The following NPSR1 variants were observed in gnomAD, a reference collection of about 807,000 sequenced individuals.
NPSR1 encodes the protein neuropeptide S receptor.
NPSR1 carries 48 observed loss-of-function variants against 46.9 expected under a neutral mutation model. The ratio of observed to expected loss-of-function variants is 1.02; its 90% CI spans 0.81 to 1.30. The LOEUF (loss-of-function observed/expected upper bound fraction) is 1.30. NPSR1 is among the 50% of genes most tolerant of loss of function. The probability of loss-of-function intolerance (pLI) is 0.00; values close to 1 mark genes in which losing one functional copy is unlikely to be tolerated. For missense variants in NPSR1, 450 were observed against 449.5 expected, an observed-to-expected ratio of 1.00 and a Z score of -0.01; for synonymous variants, 176 against 168.1, an observed-to-expected ratio of 1.05 and a Z score of -0.36.
Position 34,658,375 on chromosome 7 carries a change from C to T in NPSR1, c.-38C>T. ...CAAGCTGGACTCCCTCACTCAGCTG[C>T]AGGAGCAAGGACAGTGAGGCTCAAC... On this transcript the variant is annotated 5_prime_UTR_variant, in exon 1 of 9. Transcript: ENST00000360581. 3.7e-6 allele frequency: 6 copies of T among 1,609,226 alleles called. No homozygotes were observed. The highest frequency in any genetic ancestry group is 5.1e-6 in the Non-Finnish European group (6 of 1,177,770).
chr7:34,815,102 G>A (rs989300602), intron 4 of NPSR1, among the ~76,000 whole-genome samples: 1 of 152,016 alleles, frequency 6.6e-6, no homozygotes, highest in Non-Finnish European at 1.5e-5. Flanking sequence ...TCAGAAGGTC[G>A]GTAATAACAA....
At chr7:34,729,007 A>C (rs1784294436) in intron 2 of NPSR1, among the ~76,000 whole-genome samples, 1 of 152,172 alleles carries the variant, frequency 6.6e-6, no homozygotes, top group South Asian at 2.1e-4. Context: ...TTTCTGACCT[A>C]AGAACATTAA....
At chr7:34,731,017 G>A (rs777840044) in intron 2 of NPSR1, among the ~76,000 whole-genome samples, 7 of 152,110 alleles carry the variant, frequency 4.6e-5, no homozygotes, top group South Asian at 2.1e-4. Flanking sequence ...TCAATAACTC[G>A]CATAGAAAAA....
At chr7:34,676,419 C>T (rs536235171) in intron 1 of NPSR1, among the ~76,000 whole-genome samples, 9 of 152,302 alleles carry the variant, frequency 5.9e-5, no homozygotes, top group South Asian at 2.1e-4. Flanking sequence ...TTTTCGTCCA[C>T]GAGGCTCACC....
At chr7:34,764,441 T>C (rs989833784) in intron 2 of NPSR1, among the ~76,000 whole-genome samples, 1 of 152,356 alleles carries the variant, frequency 6.6e-6, no homozygotes. Flanking sequence ...TAAAGTTTTA[T>C]TGGATTACAG....
intron 2 of NPSR1, among the ~76,000 whole-genome samples, chr7:34,709,217 A>G (rs760962269): frequency 3.3e-5 from 5 of 152,140 alleles, no homozygotes; most frequent in Non-Finnish European, 7.3e-5. Context: ...GATCCCCAGG[A>G]ATAGAGTGAC....
At chr7:34,862,343 C>T (rs1358011866) in intron 8 of NPSR1, among the ~76,000 whole-genome samples, 1 of 151,762 alleles carries the variant, frequency 6.6e-6, no homozygotes, top group Non-Finnish European at 1.5e-5. Context: ...AGCTCACCCC[C>T]AGAGTCCCAG....
At chr7:34,754,881 T>A (rs1562704576) in intron 2 of NPSR1, among the ~76,000 whole-genome samples, 1 of 152,216 alleles carries the variant, frequency 6.6e-6, no homozygotes, top group Non-Finnish European at 1.5e-5. Context: ...AATGGAATCA[T>A]GTAATATATT....
chr7:34,687,022 GCT>G (rs1399393095), intron 2 of NPSR1, among the ~76,000 whole-genome samples: 4 of 147,162 alleles, frequency 2.7e-5, no homozygotes, highest in African/African-American at 5.0e-5. Context: ...TCACTATTCT[GCT>G]CTCTCTTCTA....
At chr7:34,731,617 G>C (rs1583899722) in intron 2 of NPSR1, among the ~76,000 whole-genome samples, 1 of 152,162 alleles carries the variant, frequency 6.6e-6, no homozygotes, top group Non-Finnish European at 1.5e-5. Flanking sequence ...CTGGCTCCTA[G>C]AGAGTGGGCC....
chr7:34,758,983 G>A (rs1786022727), intron 2 of NPSR1, among the ~76,000 whole-genome samples: 1 of 152,134 alleles, frequency 6.6e-6, no homozygotes, highest in African/African-American at 2.4e-5. Context: ...CTCTCACTTT[G>A]GGTTTGTGTG....
intron 5 of NPSR1, among the ~76,000 whole-genome samples, chr7:34,831,070 C>A (rs1005126132): frequency 1.3e-5 from 2 of 152,208 alleles, no homozygotes; most frequent in East Asian, 1.9e-4. Flanking sequence ...CACTCCCTAA[C>A]CTCCAACCTC....
chr7:34,803,667 T>C (rs1788541661), intron 3 of NPSR1, among the ~76,000 whole-genome samples: 1 of 151,328 alleles, frequency 6.6e-6, no homozygotes, highest in African/African-American at 2.4e-5. Flanking sequence ...CGTATACATA[T>C]GTAACTAACC....
intron 4 of NPSR1, among the ~76,000 whole-genome samples, chr7:34,825,729 A>G (rs149795450): frequency 8.4e-4 from 128 of 152,244 alleles, no homozygotes; most frequent in African/African-American, 3.0e-3. Context: ...TCAGCTTTGG[A>G]TGCAGCCAGG....
At chr7:34,686,960 C>CAAAAAAAAAAAAAAAAA (rs66886501) in intron 2 of NPSR1, among the ~76,000 whole-genome samples, 1 of 94,208 alleles carries the variant, frequency 1.1e-5, no homozygotes, top group Non-Finnish European at 2.2e-5. Flanking sequence ...GACTCCGTCT[C>CAAAAAAAAAAAAAAAAA]AAAAAAAAAA....
At chr7:34,749,138 A>C (rs548474881) in intron 2 of NPSR1, among the ~76,000 whole-genome samples, 1 of 152,222 alleles carries the variant, frequency 6.6e-6, no homozygotes, top group Non-Finnish European at 1.5e-5. Flanking sequence ...CTCCCTCTGC[A>C]ATGTTCATGA....
At chr7:34,718,462 G>A (rs1035448842) in intron 2 of NPSR1, among the ~76,000 whole-genome samples, 2 of 152,180 alleles carry the variant, frequency 1.3e-5, no homozygotes, top group East Asian at 1.9e-4. Context: ...GAGACCCACA[G>A]GAGGCCCTGA....
intron 2 of NPSR1, among the ~76,000 whole-genome samples, chr7:34,734,752 G>A (rs893335196): frequency 2.6e-5 from 4 of 152,328 alleles, no homozygotes; most frequent in Admixed American, 1.3e-4. Flanking sequence ...CTGAGATGGA[G>A]CGAGTGTCCT....
rs758464247 is a variant in NPSR1 at position 34,803,482 on chromosome 7, C to T, written c.385-8288C>T. On this transcript the variant is annotated intron_variant, in intron 3 of 8. Transcript: ENST00000360581. ...TATCGCAAGGACAAAAAATCAAACA[C>T]CGCAGGTTCGCACTCATAGGTGGGA... Among the ~76,000 whole-genome samples the T allele has an allele frequency of 1.2e-3, 175 of 152,062 alleles. 4 individuals carry two copies. The highest frequency in any genetic ancestry group is 3.4e-3 in the Middle Eastern group (1 of 294).
Sources: gnomAD v4.1 joint callset for allele counts (sites outside exome capture counted in the v4.1 genomes callset) on GRCh38, gnomAD v4.1.1 for gene constraint, MANE v1.5 for transcripts, NCBI Gene and HGNC (gene_info 2026-07-23, HGNC 2026-07-21) for gene names.